ACIN1: variants seen among roughly 807,000 people sequenced by gnomAD.
ACIN1 encodes the protein apoptotic chromatin condensation inducer in the nucleus.
A neutral mutation model predicts 146.6 loss-of-function variants in ACIN1; 16 were observed. The observed-to-expected ratio is 0.11, with a 90% CI of 0.07 to 0.17. The LOEUF is 0.17. ACIN1 is among the 10% of genes least tolerant of loss of function. ACIN1 has a pLI of 1.00. For missense variants in ACIN1, 1,357 were observed against 1,609.3 expected (o/e 0.84, Z 2.68); for synonymous variants, 569 against 582.7 (o/e 0.98, Z 0.34).
At chr14:23,060,311 A>C (rs2139981341) in intron 18 of ACIN1, among the ~76,000 whole-genome samples, 1 of 152,108 alleles carries the variant, frequency 6.6e-6, no homozygotes, top group Admixed American at 6.5e-5. Context: ...TACTGGCACC[A>C]TCCATGCCTG....
intron 8 of ACIN1, among the ~76,000 whole-genome samples, chr14:23,072,531 G>C (rs1317649256): frequency 6.6e-6 from 1 of 152,176 alleles, no homozygotes; most frequent in Non-Finnish European, 1.5e-5. Context: ...CTAGACCAAA[G>C]TGGGAAACAG....
chr14:23,066,041 GAA>G lies in ACIN1; in HGVS notation c.2266-35_2266-34del, dbSNP rs376183422. ...AAGAAGAAAAAGGGGAAAAAAAAGA[GAA>G]AGAGAGACACCCCACAGAGAGGGGG... On this transcript the variant is annotated intron_variant, in intron 9 of 18. Transcript: ENST00000605057. 2,473 of 1,601,670 alleles carry G rather than the reference GAA, an allele frequency of 1.5e-3. 35 individuals carry two copies. The African/African-American group carries it at 0.028, about 18-fold the overall frequency.
intron 8 of ACIN1, 24 bp from the exon 9 acceptor site, chr14:23,069,641 T>TGGGGGGTGGGGGGG: frequency 3.2e-6 from 1 of 309,220 alleles, no homozygotes; most frequent in Non-Finnish European, 5.7e-6. Flanking sequence ...GGAGTGGTGG[T>TGGGGGGTGGGGGGG]GGGGGGGCGG....
intron 15 of ACIN1, 56 bp downstream of exon 15, chr14:23,062,360 C>G: frequency 6.2e-7 from 1 of 1,606,288 alleles, no homozygotes; most frequent in Non-Finnish European, 8.5e-7. Flanking sequence ...CCTGCCCACA[C>G]TGGTCACAAA....
At chr14:23,069,861 A>C (rs1004501150) in intron 8 of ACIN1, among the ~76,000 whole-genome samples, 2 of 152,138 alleles carry the variant, frequency 1.3e-5, no homozygotes, top group Admixed American at 1.3e-4. Flanking sequence ...AGATGAGTTA[A>C]AAGTTGTCAT....
upstream of ACIN1, chr14:23,095,571 T>G (rs969335224): frequency 2.5e-5 from 11 of 433,326 alleles, no homozygotes; most frequent in Non-Finnish European, 3.8e-5. Flanking sequence ...GTAGTTGGAG[T>G]CTAAGGACTC....
chr14:23,093,613 C>T, intron 1 of ACIN1, 69 bp from the exon 2 acceptor site: 2 of 1,299,774 alleles, frequency 1.5e-6, no homozygotes, highest in Non-Finnish European at 2.2e-6. Context: ...CCACCTCTAC[C>T]ACAACCTCTA....
In ACIN1 at chr14:23,062,487, A is replaced by G. The variant is rs755354101; in HGVS notation, c.2920T>C (p.Leu974=). The G allele has an allele frequency of 5.0e-6, 8 of 1,614,074 alleles. No homozygotes were observed. In the African/African-American group the frequency reaches 6.7e-5, roughly 13 times the overall value. The change falls in exon 15 of 19, where the codon TTG becomes CTG. Residue 974 remains leucine (L), a synonymous_variant. Coordinates refer to ENST00000605057, the MANE Select transcript of ACIN1 (RefSeq NM_001386863.1). The part of the protein sequence containing the change: ...PFTLGQLKEL[L]GRTGTLVEEA... ...TCCACCAAGGTTCCTGTGCGCCCCA[A>G]CAACTCCTTTAGCTGGCCTAAAGTG...
At chr14:23,071,519 G>C (rs1263841956) in intron 8 of ACIN1, 6 of 1,551,590 alleles carry the variant, frequency 3.9e-6, no homozygotes, top group Non-Finnish European at 5.2e-6. Flanking sequence ...TATTGGCGGA[G>C]CGGCAGCGAT....
intron 13 of ACIN1, 45 bp from the exon 14 acceptor site, chr14:23,063,119 T>C (rs1263492156): frequency 1.9e-6 from 3 of 1,550,624 alleles, no homozygotes; most frequent in Non-Finnish European, 2.6e-6. Flanking sequence ...GAAGCAATAC[T>C]GGCTCTTTTC....
rs942628198 is a variant in ACIN1, at chr14:23,068,660, G to A, written c.2265+816C>T. On this transcript the variant is annotated intron_variant, in intron 9 of 18. Transcript: ENST00000605057. The surrounding 1 kb of genome is among the most constrained non-coding windows in gnomAD (Gnocchi z 4.3). ...GGTTATATTTTACGGGCGGATTACC[G>A]TACATGAGGTACTTGGACAAAGTTT... The A allele has an allele frequency of 6.1e-6, 6 of 985,806 alleles. No homozygotes were observed. Among genetic ancestry groups the A allele is most frequent in the Non-Finnish European group, 7.2e-6 (6 of 829,944 alleles). 61.1% of individuals were successfully genotyped at this position (985,806 alleles called of 1,614,324 possible).
chr14:23,092,187 T>G (rs2048246095), intron 2 of ACIN1, among the ~76,000 whole-genome samples: 1 of 152,116 alleles, frequency 6.6e-6, no homozygotes, highest in African/African-American at 2.4e-5. Flanking sequence ...ACCTTCTTGC[T>G]TAGCAAGTCC....
At position 23,094,958 on chromosome 14, in the gene ACIN1, C is replaced by G; in HGVS notation, c.138+17G>C. 1.3e-6 allele frequency: 2 copies of G among 1,575,198 alleles called. No homozygotes were observed. Among genetic ancestry groups the G allele is most frequent in the Non-Finnish European group, 1.7e-6 (2 of 1,164,752 alleles). On this transcript the variant is annotated intron_variant, in intron 1 of 18. Transcript: ENST00000605057. ...GGTCCGCTCTCCTCCGACACCCCAG[C>G]AACGCCGACTCCTCACCCCTTTGAG... is the stretch of plus-strand genomic sequence containing the variant.
intron 8 of ACIN1, among the ~76,000 whole-genome samples, chr14:23,077,276 T>C (rs1440994546): frequency 1.3e-5 from 2 of 152,230 alleles, no homozygotes; most frequent in Admixed American, 1.3e-4. Context: ...GTAGCATTAG[T>C]GTTAATATGG....
Position 23,065,975 on chromosome 14 carries a change from A to T in ACIN1, c.2299T>A (p.Ser767Thr), listed in dbSNP as rs1360280292. ...TTGGGGCTGGACTTACAGACAACGG[A>T]GATCTTCCTCTTGAATGATTTGGGC... ...SLPKSFKRKISVVSATKGVPA... is the reference protein window; with the variant it reads ...SLPKSFKRKITVVSATKGVPA... Residue 767 changes from serine to threonine, a missense_variant, in exon 10 of 19, where the codon TCC (serine) becomes ACC (threonine). Coordinates refer to ENST00000605057, the MANE Select transcript of ACIN1 (RefSeq NM_001386863.1). 6.2e-7 allele frequency: 1 copy of T among 1,613,898 alleles called. No homozygotes were observed. The highest frequency in any genetic ancestry group is 8.5e-7 in the Non-Finnish European group (1 of 1,179,856).
intron 4 of ACIN1, among the ~76,000 whole-genome samples, chr14:23,086,520 T>A (rs1026210801): frequency 6.6e-6 from 1 of 152,256 alleles, no homozygotes; most frequent in African/African-American, 2.4e-5. Flanking sequence ...CAGGATTTTA[T>A]AAACCAATTA....
rs757258320 is a variant in ACIN1 at position 23,063,488 on chromosome 14, C to G, written c.2685G>C (p.Gln895His). The change falls in exon 13 of 19, where the codon CAG becomes CAC. Residue 895 changes from glutamine to histidine, a missense_variant. Coordinates refer to ENST00000605057, the MANE Select transcript of ACIN1 (RefSeq NM_001386863.1). ...EPEAEPPVPP[Q>H]VSVEVALPPP... ...GGGGCAAGGCCACCTCTACTGACAC[C>G]TGGGGAGGTACAGGAGGTTCTGCTT... 1 of 1,614,108 alleles carries G rather than the reference C, an allele frequency of 6.2e-7. No homozygotes were observed.
intron 8 of ACIN1, 98 bp from the exon 9 acceptor site, chr14:23,069,715 C>A (rs765626064): frequency 8.6e-7 from 1 of 1,164,670 alleles, no homozygotes; most frequent in Non-Finnish European, 1.2e-6. Context: ...AACCCTCCTG[C>A]CTCATCACTT....
At chr14:23,066,904 G>A (rs368727506) in intron 9 of ACIN1, among the ~76,000 whole-genome samples, 6 of 151,966 alleles carry the variant, frequency 3.9e-5, no homozygotes, top group East Asian at 1.9e-4. Context: ...AAGTGAGAGA[G>A]AAAAAGGGAA....
Sources: gnomAD v4.1 joint callset for allele counts (sites outside exome capture counted in the v4.1 genomes callset) on GRCh38, gnomAD v4.1.1 for gene constraint, Gnocchi (gnomAD v3.1) non-coding constraint, MANE v1.5 for transcripts, NCBI Gene and HGNC (gene_info 2026-07-23, HGNC 2026-07-21) for gene names.